The following PELI2 variants were observed in gnomAD, a reference collection of about 807,000 sequenced individuals.
The protein encoded by PELI2 is pellino E3 ubiquitin protein ligase family member 2.
Under a neutral mutation model 42.3 loss-of-function variants are expected in PELI2, and 23 were observed. The ratio of observed to expected loss-of-function variants is 0.54; its 90% CI spans 0.39 to 0.77. The LOEUF (loss-of-function observed/expected upper bound fraction) is 0.77. Ranked by LOEUF, PELI2 falls within the 30% of genes least tolerant of loss-of-function variation. The probability of loss-of-function intolerance (pLI) is 0.00; values close to 1 mark genes in which losing one functional copy is unlikely to be tolerated. For synonymous variants in PELI2, 245 were observed against 212.2 expected, an observed-to-expected ratio of 1.15 and a Z score of -1.34; for missense variants, 463 against 553.2, an observed-to-expected ratio of 0.84 and a Z score of 1.64.
At chr14:56,221,116 A>G (rs1887117306) in intron 2 of PELI2, among the ~76,000 whole-genome samples, 1 of 152,200 alleles carries the variant, frequency 6.6e-6, no homozygotes. Context: ...TGCATTTCAT[A>G]GACTGCACCA....
intron 2 of PELI2, among the ~76,000 whole-genome samples, chr14:56,181,340 CTTTTTTTTTTTTT>C (rs57251739): frequency 2.1e-5 from 2 of 97,122 alleles, no homozygotes; most frequent in African/African-American, 3.8e-5. Flanking sequence ...CCCTGGTGGA[CTTTTTTTTTTTTT>C]TTTTTTTTTG....
intron 3 of PELI2, among the ~76,000 whole-genome samples, chr14:56,282,234 C>CA (rs1889504737): frequency 6.6e-6 from 1 of 151,794 alleles, no homozygotes; most frequent in East Asian, 1.9e-4. Context: ...TAAAACAGAA[C>CA]AAAGAAAAGC....
Position 56,118,598 on chromosome 14 carries a change from T to C in PELI2, c.-63T>C. ...ATGGGATTGTAGCGGCGGCGCGGAC[T>C]CGGCGGGGATCGCGGCGGAGGCGGC... On this transcript the variant is annotated 5_prime_UTR_variant, in exon 1 of 6. Coordinates refer to ENST00000267460, the MANE Select transcript of PELI2 (RefSeq NM_021255.3). The C allele has an allele frequency of 1.8e-6, 2 of 1,083,134 alleles. No individual in the cohort carries two copies. Among genetic ancestry groups the C allele is most frequent in the East Asian group, 3.4e-5 (1 of 29,362 alleles). 67.1% of individuals were successfully genotyped at this position (1,083,134 alleles called of 1,614,324 possible). A position where few individuals can be genotyped will look rare whatever the true frequency, so the allele number is the denominator to read the frequency against.
intron 2 of PELI2, among the ~76,000 whole-genome samples, chr14:56,191,449 A>G (rs569894460): frequency 3.9e-5 from 6 of 152,228 alleles, no homozygotes; most frequent in Non-Finnish European, 5.9e-5. Flanking sequence ...GGCAGCAGCA[A>G]TGAACCACAC....
intron 5 of PELI2, among the ~76,000 whole-genome samples, chr14:56,293,355 A>G (rs555907450): frequency 6.6e-6 from 1 of 152,338 alleles, no homozygotes; most frequent in Admixed American, 6.5e-5. Flanking sequence ...ATTCATGCCT[A>G]CTAATGATTG....
At chr14:56,228,544 T>G (rs975730471) in intron 2 of PELI2, among the ~76,000 whole-genome samples, 2 of 152,198 alleles carry the variant, frequency 1.3e-5, no homozygotes, top group Non-Finnish European at 2.9e-5. Flanking sequence ...TATGGGAAAA[T>G]ACACGATTAT....
intron 3 of PELI2, among the ~76,000 whole-genome samples, chr14:56,283,932 A>C (rs989951497): frequency 6.6e-6 from 1 of 152,176 alleles, no homozygotes; most frequent in Non-Finnish European, 1.5e-5. Flanking sequence ...TCCTTTTAAC[A>C]AGTTTATATT....
At position 56,187,935 on chromosome 14, in the gene PELI2, G is replaced by A. The variant is rs74051809; in HGVS notation, c.207+9471G>A. On this transcript the variant is annotated intron_variant, in intron 2 of 5. Coordinates refer to ENST00000267460, the MANE Select transcript of PELI2 (RefSeq NM_021255.3). ...TTCTCTGTGCTCCGCAGGTGGCCAC[G>A]TTTTCTCTGGCCTGTGGACCTTCGC... Among the ~76,000 whole-genome samples, 278 of 152,330 alleles carry A rather than the reference G, an allele frequency of 1.8e-3. 1 individual carries two copies. The highest frequency in any genetic ancestry group is 6.4e-3 in the African/African-American group (267 of 41,578).
intron 2 of PELI2, among the ~76,000 whole-genome samples, chr14:56,226,208 C>G (rs2139759674): frequency 6.6e-6 from 1 of 152,336 alleles, no homozygotes; most frequent in African/African-American, 2.4e-5. Flanking sequence ...CCCACCACTG[C>G]CTGACCCAGC....
chr14:56,276,975 C>A (rs990575591), intron 2 of PELI2, among the ~76,000 whole-genome samples: 1 of 152,154 alleles, frequency 6.6e-6, no homozygotes, highest in Admixed American at 6.5e-5. Context: ...GTGATGCTTT[C>A]GCTATAAATA....
Position 56,125,425 on chromosome 14 carries a change from G to GA in PELI2, c.77+6688_77+6689insA, listed in dbSNP as rs571801035. ...GAGTTATTGGGTGGGCAGGGGGGGG[G>GA]TGAATTGGCAGGGTGAAATGCTAGG... On this transcript the variant is annotated intron_variant, in intron 1 of 5. Transcript: ENST00000267460. Among the ~76,000 whole-genome samples, 146 of 146,732 alleles carry GA rather than the reference G, an allele frequency of 1.0e-3. 1 individual carries two copies. Among genetic ancestry groups the GA allele is most frequent in the East Asian group, 4.9e-3 (23 of 4,742 alleles).
chr14:56,242,810 C>T (rs1026189855), intron 2 of PELI2, among the ~76,000 whole-genome samples: 6 of 152,040 alleles, frequency 3.9e-5, no homozygotes, highest in African/African-American at 1.4e-4. Context: ...TATGAGGACC[C>T]AAATGCATAT....
Position 56,230,822 on chromosome 14 carries a change from C to T in PELI2, c.208-48854C>T, listed in dbSNP as rs147927419. Among the ~76,000 whole-genome samples, 720 of 152,294 alleles carry T rather than the reference C, an allele frequency of 4.7e-3. 3 individuals carry two copies. The highest frequency in any genetic ancestry group is 0.017 in the African/African-American group (687 of 41,556). ...CAGACTGGCAAATTGGATAAAGAGT[C>T]AAGACCCATCAGTGTGCTGTATTCA... On this transcript the variant is annotated intron_variant, in intron 2 of 5. Transcript: ENST00000267460.
intron 2 of PELI2, among the ~76,000 whole-genome samples, chr14:56,203,941 A>G (rs1886428344): frequency 1.3e-5 from 2 of 152,348 alleles, no homozygotes; most frequent in South Asian, 4.1e-4. Flanking sequence ...AGAGAAAATG[A>G]CAAATGAAGG....
intron 1 of PELI2, among the ~76,000 whole-genome samples, chr14:56,136,866 A>AGT (rs1318895044): frequency 6.6e-6 from 1 of 151,946 alleles, no homozygotes; most frequent in Non-Finnish European, 1.5e-5. Context: ...AGACCTTGGC[A>AGT]GTTTGTCTTT....
intron 5 of PELI2, among the ~76,000 whole-genome samples, chr14:56,292,393 T>C (rs917756601): frequency 6.6e-6 from 1 of 152,228 alleles, no homozygotes; most frequent in Admixed American, 6.5e-5. Context: ...GAGGAAAGCT[T>C]ACTGACTCTT....
At chr14:56,290,479 G>A (rs1438305320) in intron 5 of PELI2, 23 bp downstream of exon 5, 2 of 1,542,050 alleles carry the variant, frequency 1.3e-6, no homozygotes, top group Admixed American at 1.8e-5. Flanking sequence ...CACTCTGCAA[G>A]TGTGAAGTAC....
At chr14:56,233,359 A>G (rs771707955) in intron 2 of PELI2, among the ~76,000 whole-genome samples, 4 of 152,228 alleles carry the variant, frequency 2.6e-5, no homozygotes, top group Non-Finnish European at 5.9e-5. Context: ...AAACTGTACT[A>G]CAAGTTTACA....
chr14:56,143,469 G>A (rs749008673), intron 1 of PELI2, among the ~76,000 whole-genome samples: 1 of 152,214 alleles, frequency 6.6e-6, no homozygotes, highest in Non-Finnish European at 1.5e-5. Flanking sequence ...TTCACCAGCT[G>A]ATTTTAGCAT....
Sources: gnomAD v4.1 joint callset for allele counts (sites outside exome capture counted in the v4.1 genomes callset) on GRCh38, gnomAD v4.1.1 for gene constraint, MANE v1.5 for transcripts, NCBI Gene and HGNC (gene_info 2026-07-23, HGNC 2026-07-21) for gene names.